DDX4: variants seen among roughly 807,000 people sequenced by gnomAD.
DDX4 encodes probable ATP-dependent RNA helicase DDX4.
A neutral mutation model predicts 100.0 loss-of-function variants in DDX4; 25 were observed. The observed-to-expected ratio is 0.25, with a 90% CI of 0.18 to 0.35. The LOEUF (loss-of-function observed/expected upper bound fraction) is 0.35, where lower values mean the gene tolerates loss of function less well. Among genes scored for constraint, DDX4 ranks in the 10% least tolerant of loss-of-function variants. DDX4 has a pLI of 1.00. For missense variants in DDX4, 635 were observed against 882.4 expected, an observed-to-expected ratio of 0.72 and a Z score of 3.55; for synonymous variants, 259 against 275.7, an observed-to-expected ratio of 0.94 and a Z score of 0.60.
At chr5:55,803,867 G>C (rs943914673) in intron 18 of DDX4, among the ~76,000 whole-genome samples, 5 of 152,118 alleles carry the variant, frequency 3.3e-5, no homozygotes, top group African/African-American at 1.2e-4. Context: ...GGGTCAAATG[G>C]TATTTCTAGT....
intron 17 of DDX4, among the ~76,000 whole-genome samples, chr5:55,794,478 G>T (rs1230271612): frequency 6.6e-6 from 1 of 151,878 alleles, no homozygotes; most frequent in Non-Finnish European, 1.5e-5. Flanking sequence ...GGGATTACAG[G>T]CATGAGCCAC....
intron 3 of DDX4, 128 bp from the exon 4 acceptor site, chr5:55,760,072 C>A (rs1315803478): frequency 1.1e-5 from 8 of 735,134 alleles, no homozygotes; most frequent in East Asian, 3.7e-5. Flanking sequence ...TTTTACTGGG[C>A]TGTTTGTCAC....
At chr5:55,811,790 C>A (rs1449893472) in intron 18 of DDX4, among the ~76,000 whole-genome samples, 1 of 152,164 alleles carries the variant, frequency 6.6e-6, no homozygotes, top group African/African-American at 2.4e-5. Flanking sequence ...TGGAAATTAT[C>A]TTCAAGATGA....
At chr5:55,801,131 C>G (rs189933238) in intron 18 of DDX4, among the ~76,000 whole-genome samples, 13 of 151,344 alleles carry the variant, frequency 8.6e-5, no homozygotes, top group African/African-American at 3.2e-4. Context: ...CCACAGCTCA[C>G]AGGCCACATG....
At chr5:55,791,667 A>G (rs535532516) in intron 16 of DDX4, among the ~76,000 whole-genome samples, 16 of 152,196 alleles carry the variant, frequency 1.1e-4, no homozygotes, top group Admixed American at 4.6e-4. Context: ...ATCAAATACT[A>G]TAATCTAGAT....
intron 1 of DDX4, chr5:55,738,425 C>A (rs1292215163): frequency 6.4e-6 from 1 of 156,854 alleles, no homozygotes; most frequent in African/African-American, 2.4e-5. Flanking sequence ...TACCCTTCTT[C>A]CCTTCCCCAC....
intron 7 of DDX4, chr5:55,777,658 G>C (rs1176556582): frequency 1.3e-5 from 2 of 152,276 alleles, no homozygotes; most frequent in Admixed American, 1.3e-4. Flanking sequence ...TAATACCTAG[G>C]TGATGGGTTG....
intron 2 of DDX4, among the ~76,000 whole-genome samples, chr5:55,745,351 A>T (rs763426370): frequency 9.9e-5 from 15 of 152,202 alleles, no homozygotes; most frequent in Non-Finnish European, 2.1e-4. Context: ...GGCATACAAT[A>T]GTGTGTATTG....
At chr5:55,742,637 G>A (rs538550916) in intron 2 of DDX4, among the ~76,000 whole-genome samples, 47 of 152,312 alleles carry the variant, frequency 3.1e-4, no homozygotes, top group Non-Finnish European at 5.4e-4. Flanking sequence ...CTGAATTGGT[G>A]CATTTGGGTG....
chr5:55,782,879 A>G (rs1742010845), intron 10 of DDX4, among the ~76,000 whole-genome samples: 2 of 143,036 alleles, frequency 1.4e-5, no homozygotes, highest in South Asian at 2.3e-4. Context: ...CACTGCAACT[A>G]TCGCCTCCAG....
intron 10 of DDX4, among the ~76,000 whole-genome samples, chr5:55,783,274 A>G (rs1742031662): frequency 6.6e-6 from 1 of 152,030 alleles, no homozygotes; most frequent in South Asian, 2.1e-4. Context: ...TTCAATATAG[A>G]AAGAGTTTAT....
At chr5:55,754,632 A>C (rs1181029063) in intron 3 of DDX4, among the ~76,000 whole-genome samples, 33 of 151,608 alleles carry the variant, frequency 2.2e-4, no homozygotes, top group African/African-American at 4.9e-4. Flanking sequence ...GTCTAAAATT[A>C]TCTTTTTTTG....
intron 3 of DDX4, chr5:55,750,247 G>A (rs184142833): frequency 1.5e-4 from 24 of 157,502 alleles, no homozygotes; most frequent in African/African-American, 5.0e-4. Flanking sequence ...CAGTAAAGTC[G>A]TTTTGATATT....
At chr5:55,752,580 T>C (rs1007884612) in intron 3 of DDX4, among the ~76,000 whole-genome samples, 1 of 146,274 alleles carries the variant, frequency 6.8e-6, no homozygotes, top group African/African-American at 2.6e-5. Flanking sequence ...ATCCAGTCTA[T>C]CATTGTTGGA....
chr5:55,791,962 A>G (rs766245194), intron 16 of DDX4, among the ~76,000 whole-genome samples: 2 of 151,948 alleles, frequency 1.3e-5, no homozygotes, highest in African/African-American at 4.8e-5. Context: ...ACACACACAC[A>G]CACACACAAA....
intron 17 of DDX4, 80 bp from the exon 18 acceptor site, chr5:55,798,346 A>G: frequency 7.0e-7 from 1 of 1,429,572 alleles, no homozygotes; most frequent in Non-Finnish European, 9.5e-7. Context: ...TATTGAGATA[A>G]CACCTACAGG....
chr5:55,802,817 G>A (rs1743406162), intron 18 of DDX4, among the ~76,000 whole-genome samples: 1 of 152,114 alleles, frequency 6.6e-6, no homozygotes, highest in African/African-American at 2.4e-5. Context: ...GAGGGTCTGA[G>A]GAAGGTTCAT....
intron 15 of DDX4, among the ~76,000 whole-genome samples, chr5:55,788,929 C>T (rs3846514): frequency 0.41 from 61,519 of 151,822 alleles, 13,953 homozygotes; most frequent in African/African-American, 0.59. Flanking sequence ...TAGCTAGGTG[C>T]AGTGGTGCAC....
intron 16 of DDX4, 61 bp from the exon 17 acceptor site, chr5:55,792,580 A>C (rs1191478984): frequency 1.2e-6 from 1 of 863,542 alleles, no homozygotes; most frequent in Admixed American, 3.3e-5. Flanking sequence ...GGAATTGTAG[A>C]GAATAGTTTA....
Sources: gnomAD v4.1 joint callset for allele counts (sites outside exome capture counted in the v4.1 genomes callset) on GRCh38, gnomAD v4.1.1 for gene constraint, MANE v1.5 for transcripts, NCBI Gene and HGNC (gene_info 2026-07-23, HGNC 2026-07-21) for gene names.